Variants in KCNMA1 observed in about 807,000 individuals in gnomAD.
KCNMA1 encodes potassium calcium-activated channel subfamily M alpha 1.
KCNMA1 carries 29 observed loss-of-function variants against 140.0 expected under a neutral mutation model. The ratio of observed to expected loss-of-function variants is 0.21; its 90% CI spans 0.15 to 0.28. The LOEUF (loss-of-function observed/expected upper bound fraction) is 0.28. KCNMA1 is among the 10% of genes least tolerant of loss of function. The probability of loss-of-function intolerance (pLI) is 1.00; values close to 1 mark genes in which losing one functional copy is unlikely to be tolerated. For missense variants in KCNMA1, 880 were observed against 1,602.2 expected (o/e 0.55, Z 7.70); for synonymous variants, 612 against 611.9 (o/e 1.00, Z 0.00).
In KCNMA1 at chr10:77,025,240, GTGTATATATATATATATATA is replaced by G. The variant is rs146836316; in HGVS notation, c.1928+2563_1928+2582del. 0.057 allele frequency among the ~76,000 whole-genome samples: 3,707 copies of G among 65,430 alleles called. 486 individuals carry two copies. The highest frequency in any genetic ancestry group is 0.42 in the East Asian group (1,020 of 2,400). The allele number at this position is 65,430 out of a possible 152,430, so 42.9% of individuals were successfully genotyped here. Reference sequence around the variant, plus strand: ...GTACTCTAGTTGGAGAGGGGTGTGTGTGTATATATATATATATATATATATATATATATATATATATACAC... The same window carrying G: ...GTACTCTAGTTGGAGAGGGGTGTGTGTATATATATATATATATATATACAC... On this transcript the variant is annotated intron_variant, in intron 16 of 27. Transcript: ENST00000286628.
downstream of KCNMA1, among the ~76,000 whole-genome samples, chr10:76,884,692 T>C (rs2036070983): frequency 6.7e-6 from 1 of 149,200 alleles, no homozygotes; most frequent in African/African-American, 2.5e-5. Flanking sequence ...AAACAAACTC[T>C]AAGGAATCTA....
chr10:77,619,617 A>G (rs2619624), intron 1 of KCNMA1, among the ~76,000 whole-genome samples: 87,293 of 152,026 alleles, frequency 0.57, 26,793 homozygotes, highest in African/African-American at 0.78. Context: ...ACCAGCCACC[A>G]CATTGAGCGA....
intron 1 of KCNMA1, among the ~76,000 whole-genome samples, chr10:77,517,029 C>T (rs1358248953): frequency 6.6e-6 from 1 of 151,460 alleles, no homozygotes; most frequent in Non-Finnish European, 1.5e-5. Flanking sequence ...GAGGGGAAGC[C>T]GGCCTGCATA....
At chr10:77,307,178 C>A (rs957710550) in intron 2 of KCNMA1, among the ~76,000 whole-genome samples, 1 of 152,194 alleles carries the variant, frequency 6.6e-6, no homozygotes, top group Non-Finnish European at 1.5e-5. Flanking sequence ...TGAATCCCAA[C>A]AAGGCTACAA....
chr10:77,528,881 T>C (rs1225958351), intron 1 of KCNMA1, among the ~76,000 whole-genome samples: 2 of 152,008 alleles, frequency 1.3e-5, no homozygotes, highest in African/African-American at 4.8e-5. Context: ...ATAGGAAATA[T>C]CCAAATAGGC....
intron 15 of KCNMA1, among the ~76,000 whole-genome samples, chr10:77,033,873 G>A (rs1428390972): frequency 2.6e-5 from 4 of 152,148 alleles, no homozygotes; most frequent in African/African-American, 7.2e-5. Flanking sequence ...ATTCATATAT[G>A]TTCAACCCTA....
intron 1 of KCNMA1, among the ~76,000 whole-genome samples, chr10:77,592,629 G>C (rs2079556947): frequency 1.3e-5 from 2 of 152,224 alleles, no homozygotes; most frequent in South Asian, 4.1e-4. Flanking sequence ...ATGTGGGCAA[G>C]ATGACATTTG....
chr10:77,162,545 T>A (rs1242018085), intron 5 of KCNMA1, among the ~76,000 whole-genome samples: 2 of 152,186 alleles, frequency 1.3e-5, no homozygotes, highest in African/African-American at 4.8e-5. Context: ...AGAGATAACA[T>A]CTTTGCCTCC....
chr10:77,062,854 C>G (rs1044276776), intron 14 of KCNMA1, among the ~76,000 whole-genome samples: 2 of 152,148 alleles, frequency 1.3e-5, no homozygotes, highest in Non-Finnish European at 2.9e-5. Context: ...CTTGGAGAAG[C>G]AATGTGTAAC....
intron 20 of KCNMA1, among the ~76,000 whole-genome samples, chr10:76,955,241 C>T (rs1288143067): frequency 6.9e-6 from 1 of 145,180 alleles, no homozygotes; most frequent in African/African-American, 2.6e-5. Flanking sequence ...CAGAGGCTGA[C>T]TTTTATTTAC....
intron 19 of KCNMA1, among the ~76,000 whole-genome samples, chr10:76,975,864 C>G (rs2077340185): frequency 6.6e-6 from 1 of 152,112 alleles, no homozygotes; most frequent in South Asian, 2.1e-4. Flanking sequence ...GGCTGGTGTG[C>G]AGTGGTGTTA....
At chr10:77,079,835 A>G (rs2096519024) in intron 12 of KCNMA1, 5 of 477,054 alleles carry the variant, frequency 1.0e-5, no homozygotes, top group Non-Finnish European at 1.9e-5. Context: ...GCCCTAGAAC[A>G]TTACTATTAC....
chr10:76,958,140 G>A (rs143800511), intron 20 of KCNMA1, among the ~76,000 whole-genome samples: 164 of 152,274 alleles, frequency 1.1e-3, no homozygotes, highest in Non-Finnish European at 1.5e-3. Context: ...GAATTGGGCC[G>A]TTTGTTGTAT....
intron 2 of KCNMA1, chr10:77,373,674 T>A (rs2094895974): frequency 6.6e-6 from 1 of 152,236 alleles, no homozygotes; most frequent in Non-Finnish European, 1.5e-5. Flanking sequence ...TCTTTTCACC[T>A]GTCTGGTCAT....
At chr10:77,419,585 C>T (rs768493951) in intron 1 of KCNMA1, among the ~76,000 whole-genome samples, 9 of 152,040 alleles carry the variant, frequency 5.9e-5, no homozygotes, top group African/African-American at 1.4e-4. Flanking sequence ...CTGGGGATAC[C>T]GACAGTATTT....
At chr10:77,605,238 A>G (rs1023860046) in intron 1 of KCNMA1, among the ~76,000 whole-genome samples, 1 of 152,202 alleles carries the variant, frequency 6.6e-6, no homozygotes, top group African/African-American at 2.4e-5. Flanking sequence ...GTTGCCAGGG[A>G]CTGTCCCGGA....
intron 1 of KCNMA1, among the ~76,000 whole-genome samples, chr10:77,431,754 T>G (rs796222148): frequency 1.9e-4 from 28 of 148,424 alleles, no homozygotes; most frequent in African/African-American, 6.7e-4. Context: ...TCCCAAAACT[T>G]TGGGAAGCCG....
intron 5 of KCNMA1, among the ~76,000 whole-genome samples, chr10:77,173,462 G>C (rs984385466): frequency 5.3e-5 from 8 of 152,072 alleles, no homozygotes; most frequent in Non-Finnish European, 1.0e-4. Context: ...CTGTTTGGAA[G>C]AGCACTTGAG....
chr10:77,628,743 A>G (rs993359367), intron 1 of KCNMA1, among the ~76,000 whole-genome samples: 45 of 152,290 alleles, frequency 3.0e-4, no homozygotes, highest in African/African-American at 1.0e-3. Flanking sequence ...GGAGATCTAC[A>G]TAATGTTTAC....
Sources: allele counts gnomAD v4.1 joint callset (sites outside exome capture counted in the v4.1 genomes callset), GRCh38; gene constraint gnomAD v4.1.1; transcripts MANE v1.5; gene names NCBI Gene and HGNC (gene_info 2026-07-23, HGNC 2026-07-21).